Variants in TRPC5 observed in about 807,000 individuals in gnomAD.
The protein encoded by TRPC5 is short transient receptor potential channel 5.
In TRPC5, 9 loss-of-function variants were observed where a neutral mutation model predicts 56.5. That is an observed-to-expected ratio of 0.16 (90% CI 0.10 to 0.28). The LOEUF (loss-of-function observed/expected upper bound fraction) is 0.28, where lower values mean the gene tolerates loss of function less well. Among genes scored for constraint, TRPC5 ranks in the 10% least tolerant of loss-of-function variants. The pLI, the probability that TRPC5 is intolerant of heterozygous loss-of-function variation, is 1.00. For missense variants in TRPC5, 469 were observed against 748.9 expected (o/e 0.63, Z 4.36); for synonymous variants, 282 against 278.5 (o/e 1.01, Z -0.13).
chrX:111,983,443 G>A (rs1415383284), intron 1 of TRPC5, among the ~76,000 whole-genome samples: 1 of 111,516 alleles, frequency 9.0e-6, no homozygotes, highest in Non-Finnish European at 1.9e-5. Flanking sequence ...CTCTGTTGAG[G>A]TAACCCTTTG....
chrX:111,815,630 C>T (rs972517797), intron 7 of TRPC5, among the ~76,000 whole-genome samples: 4 of 110,099 alleles, frequency 3.6e-5, no homozygotes, highest in Non-Finnish European at 5.7e-5. Context: ...TTGAGGCAGG[C>T]GAATTGCTTT....
At chrX:112,017,785 C>T (rs1393210848) in intron 1 of TRPC5, among the ~76,000 whole-genome samples, 1 of 111,753 alleles carries the variant, frequency 8.9e-6, no homozygotes, top group Non-Finnish European at 1.9e-5. Context: ...TGGTCCTTTG[C>T]TTATGCTATT....
Position 111,772,623 on chromosome X carries a change from G to T in TRPC5, c.*3690C>A, listed in dbSNP as rs1945849761. Among the ~76,000 whole-genome samples, 1 of 109,750 alleles carries T rather than the reference G, an allele frequency of 9.1e-6. No individual in the cohort carries two copies. The highest frequency in any genetic ancestry group is 4.0e-4 in the South Asian group (1 of 2,527). On this transcript the variant is annotated 3_prime_UTR_variant, in exon 11 of 11. Transcript: ENST00000262839. Reference sequence around the variant, plus strand: ...AATTTTTGTATTTTTAGTAGAGATGGGTTTCACCATGTTGGCCAGGCTGAT... The same window carrying T: ...AATTTTTGTATTTTTAGTAGAGATGTGTTTCACCATGTTGGCCAGGCTGAT...
intron 7 of TRPC5, among the ~76,000 whole-genome samples, chrX:111,798,085 G>A (rs1921166964): frequency 9.0e-6 from 1 of 111,598 alleles, no homozygotes; most frequent in African/African-American, 3.3e-5. Context: ...TAAAATATGT[G>A]TTGATGCTAG....
chrX:112,061,380 T>C (rs958707496), intron 1 of TRPC5, among the ~76,000 whole-genome samples: 1 of 111,730 alleles, frequency 9.0e-6, no homozygotes, highest in Non-Finnish European at 1.9e-5. Context: ...GCTTGTTTCA[T>C]TGGGAGGCCA....
chrX:111,805,451 G>T (rs1396771648), intron 7 of TRPC5, among the ~76,000 whole-genome samples: 1 of 111,158 alleles, frequency 9.0e-6, no homozygotes, highest in African/African-American at 3.3e-5. Flanking sequence ...TGTACCTCTG[G>T]TAGAATTCGG....
Position 111,835,049 on chromosome X carries a change from C to T in TRPC5, c.1768G>A (p.Val590Met), listed in dbSNP as rs1276061241. The T allele has an allele frequency of 8.3e-7, 1 of 1,211,585 alleles. No homozygotes were observed. Among genetic ancestry groups the T allele is most frequent in the South Asian group, 1.8e-5 (1 of 56,949 alleles). Residue 590 changes from valine (V) to methionine (M), a missense_variant, in exon 7 of 11, where the codon GTG becomes ATG. Physicochemically the swap from Val to Met is conservative, Grantham distance 21. This residue lies in a region of TRPC5 where 157 missense variants were observed against 360.0 expected (regional missense o/e 0.44). Coordinates refer to ENST00000262839, the MANE Select transcript of TRPC5 (RefSeq NM_012471.3). The part of the protein sequence containing the change: ...FGLLNLYVTN[V>M]KARHEFTEFV... ...TCGGTGAATTCGTGTCTGGCTTTCA[C>T]ATTGGTGACATATAGATTTAAAAGG...
intron 3 of TRPC5, among the ~76,000 whole-genome samples, chrX:111,906,282 G>C (rs1193675504): frequency 9.2e-6 from 1 of 108,691 alleles, no homozygotes; most frequent in Non-Finnish European, 1.9e-5. Flanking sequence ...TTGAACCTGG[G>C]AGGTGGAGGT....
intron 7 of TRPC5, among the ~76,000 whole-genome samples, chrX:111,807,239 G>C (rs1368776922): frequency 1.8e-5 from 2 of 111,194 alleles, no homozygotes; most frequent in African/African-American, 3.3e-5. Context: ...TCTAGATCTT[G>C]TAGGGATGCT....
intron 1 of TRPC5, among the ~76,000 whole-genome samples, chrX:112,073,071 C>A (rs1028294655): frequency 8.1e-5 from 9 of 111,628 alleles, no homozygotes; most frequent in African/African-American, 9.8e-5. Flanking sequence ...ATAAGTTGTA[C>A]TGAGCAGGGC....
chrX:111,845,257 G>A (rs1335505732), intron 6 of TRPC5, among the ~76,000 whole-genome samples: 1 of 111,192 alleles, frequency 9.0e-6, no homozygotes, highest in Non-Finnish European at 1.9e-5. Context: ...ATGAATGAAT[G>A]ACTGAATCCC....
At chrX:111,808,486 C>G (rs1921596554) in intron 7 of TRPC5, among the ~76,000 whole-genome samples, 1 of 111,109 alleles carries the variant, frequency 9.0e-6, no homozygotes, top group Non-Finnish European at 1.9e-5. Context: ...GGGCCAATGA[C>G]CCTTCAGTCA....
intron 3 of TRPC5, among the ~76,000 whole-genome samples, chrX:111,911,389 G>A (rs970673865): frequency 1.8e-5 from 2 of 112,536 alleles, no homozygotes; most frequent in Non-Finnish European, 3.7e-5. Context: ...TTTTATAAAT[G>A]AGAAAACTAA....
At chrX:111,970,727 C>T (rs1457461532) in intron 1 of TRPC5, among the ~76,000 whole-genome samples, 1 of 109,764 alleles carries the variant, frequency 9.1e-6, no homozygotes, top group Non-Finnish European at 1.9e-5. Context: ...ATTGTAGTCC[C>T]AGCTCTGCCA....
At chrX:112,022,668 A>G (rs765600956) in intron 1 of TRPC5, among the ~76,000 whole-genome samples, 23 of 112,279 alleles carry the variant, frequency 2.0e-4, no homozygotes, top group African/African-American at 7.4e-4. Flanking sequence ...AGTTTACAGT[A>G]GTTTCAAAAT....
At chrX:111,963,195 G>C (rs978932178) in intron 1 of TRPC5, among the ~76,000 whole-genome samples, 1 of 112,515 alleles carries the variant, frequency 8.9e-6, no homozygotes, top group African/African-American at 3.2e-5. Context: ...ATGGCTCAGA[G>C]GGTCCTACGC....
chrX:111,883,697 C>G (rs1444464904), intron 3 of TRPC5, among the ~76,000 whole-genome samples: 1 of 111,713 alleles, frequency 9.0e-6, no homozygotes, highest in South Asian at 3.7e-4. Flanking sequence ...AATGCCTAAA[C>G]TTAGGTTAGG....
At chrX:111,811,588 G>A (rs1051264635) in intron 7 of TRPC5, among the ~76,000 whole-genome samples, 3 of 111,750 alleles carry the variant, frequency 2.7e-5, no homozygotes, top group Non-Finnish European at 5.6e-5. Context: ...CAAAAGGGCA[G>A]AGGTTTTGGG....
intron 1 of TRPC5, among the ~76,000 whole-genome samples, chrX:112,007,881 G>T (rs1303715756): frequency 9.0e-6 from 1 of 111,484 alleles, no homozygotes; most frequent in Non-Finnish European, 1.9e-5. Context: ...CATATTAAAG[G>T]ACCAGAATGG....
Sources: gnomAD v4.1 joint callset for allele counts (sites outside exome capture counted in the v4.1 genomes callset) on GRCh38, gnomAD v4.1.1 for gene constraint, gnomAD v4.1.1 regional missense constraint, MANE v1.5 for transcripts, NCBI Gene and HGNC (gene_info 2026-07-23, HGNC 2026-07-21) for gene names.